Variants in PLCZ1 observed in about 807,000 individuals in gnomAD.
PLCZ1 encodes the protein 1-phosphatidylinositol 4,5-bisphosphate phosphodiesterase zeta-1.
A neutral mutation model predicts 76.8 loss-of-function variants in PLCZ1; 64 were observed. That is an observed-to-expected ratio of 0.83 (90% CI 0.68 to 1.03). The LOEUF (loss-of-function observed/expected upper bound fraction) is 1.03, where lower values mean the gene tolerates loss of function less well. PLCZ1 is among the 50% of genes least tolerant of loss of function. PLCZ1 has a pLI of 0.00. For synonymous variants in PLCZ1, 248 were observed against 230.8 expected (o/e 1.07, Z -0.68); for missense variants, 751 against 713.7 (o/e 1.05, Z -0.60).
At chr12:18,727,824 T>C (rs1958839756) in intron 3 of PLCZ1, among the ~76,000 whole-genome samples, 1 of 152,188 alleles carries the variant, frequency 6.6e-6, no homozygotes, top group Non-Finnish European at 1.5e-5. Context: ...TTTTTCCAAC[T>C]TTGATATGCA....
At chr12:18,682,982 G>A (rs1591953862), downstream of PLCZ1, among the ~76,000 whole-genome samples, 1 of 152,006 alleles carries the variant, frequency 6.6e-6, no homozygotes, top group African/African-American at 2.4e-5. Flanking sequence ...ATACAAGCCA[G>A]TTGAAAACAA....
rs912432673 is a variant in PLCZ1 at position 18,701,833 on chromosome 12, A to T, written c.865-57T>A. 7.8e-6 allele frequency: 12 copies of T among 1,547,216 alleles called. No individual in the cohort carries two copies. The Admixed American group carries it at 1.8e-4, about 23-fold the overall frequency. Reference sequence around the variant, plus strand: ...CATTTACAAGTAAATTTGCATTGTAACAGTCACTGAAAAGTGTTTCACTAT... The same window carrying T: ...CATTTACAAGTAAATTTGCATTGTATCAGTCACTGAAAAGTGTTTCACTAT... On this transcript the variant is annotated intron_variant, in intron 7 of 14. Coordinates refer to ENST00000266505, the MANE Select transcript of PLCZ1 (RefSeq NM_033123.4).
intron 3 of PLCZ1, among the ~76,000 whole-genome samples, chr12:18,724,145 C>A (rs979615571): frequency 6.6e-6 from 1 of 151,954 alleles, no homozygotes; most frequent in Non-Finnish European, 1.5e-5. Context: ...AAAATCAATA[C>A]CAAAAATAGA....
At chr12:18,728,416 C>T (rs1368940220) in intron 3 of PLCZ1, among the ~76,000 whole-genome samples, 2 of 152,078 alleles carry the variant, frequency 1.3e-5, no homozygotes, top group Non-Finnish European at 2.9e-5. Context: ...ATGTCTTCAA[C>T]GTTCAGGATA....
rs565788880 is a variant in PLCZ1 at position 18,731,620 on chromosome 12, G to C, written c.135+4601C>G. Among the ~76,000 whole-genome samples the C allele has an allele frequency of 2.7e-5, 4 of 147,054 alleles. No homozygotes were observed. In the South Asian group the frequency reaches 6.5e-4, roughly 24 times the overall value. ...ACATCAGGCCAATTGGTAGCTTGCA[G>C]GGAGGGTAAAATATCAGACCTTTCC... On this transcript the variant is annotated intron_variant, in intron 3 of 14. Coordinates refer to ENST00000266505, the MANE Select transcript of PLCZ1 (RefSeq NM_033123.4).
intron 4 of PLCZ1, among the ~76,000 whole-genome samples, chr12:18,720,521 A>T (rs901732498): frequency 4.0e-5 from 6 of 151,438 alleles, no homozygotes; most frequent in African/African-American, 1.5e-4. Flanking sequence ...TATCCATTTA[A>T]CTTGTTATAT....
At chr12:18,727,709 A>C (rs1011353350) in intron 3 of PLCZ1, among the ~76,000 whole-genome samples, 1 of 152,160 alleles carries the variant, frequency 6.6e-6, no homozygotes, top group Admixed American at 6.5e-5. Context: ...AGAGTTATTG[A>C]TCAGTTTTAA....
Position 18,695,051 on chromosome 12 carries a change from C to T in PLCZ1, c.1320G>A (p.Leu440=). The part of the protein sequence containing the change: ...MVALNFQTPG[L]PMDLQNGKFL... Reference sequence around the variant, plus strand: ...ATTTCCCATTTTGCAGATCCATGGGCAGACCAGGGGTCTGGAAATTTAAAG... The same window carrying T: ...ATTTCCCATTTTGCAGATCCATGGGTAGACCAGGGGTCTGGAAATTTAAAG... Residue 440 remains leucine (L), a synonymous_variant, in exon 12 of 15, where the codon CTG becomes CTA. Transcript: ENST00000266505. 6.2e-7 allele frequency: 1 copy of T among 1,613,050 alleles called. No homozygotes were observed. Among genetic ancestry groups the T allele is most frequent in the Admixed American group, 1.7e-5 (1 of 59,958 alleles).
rs1952637621 is a variant in PLCZ1 at position 18,683,533 on chromosome 12, A to G, written c.1742-209T>C. On this transcript the variant is annotated intron_variant, in intron 14 of 14. Coordinates refer to ENST00000266505, the MANE Select transcript of PLCZ1 (RefSeq NM_033123.4). ...TTCCTAACTGCCCAAAACTGAATAC[A>G]CAGCTCATACTTCTCCTTCCGCAAA... 6 of 1,510,782 alleles carry G rather than the reference A, an allele frequency of 4.0e-6. No homozygotes were observed. The Admixed American group carries it at 1.2e-4, about 30-fold the overall frequency. The allele number at this position is 1,510,782 out of a possible 1,614,324, so 93.6% of individuals were successfully genotyped here. A position where few individuals can be genotyped will look rare whatever the true frequency, so the allele number is the denominator to read the frequency against.
intron 3 of PLCZ1, among the ~76,000 whole-genome samples, chr12:18,724,522 A>C (rs1210080630): frequency 6.6e-6 from 1 of 152,154 alleles, no homozygotes; most frequent in Non-Finnish European, 1.5e-5. Context: ...TGCAAGAAGC[A>C]TGTGTTGAAG....
chr12:18,647,633 T>C, the PLCZ1 span, among the ~76,000 whole-genome samples: 2 of 151,814 alleles, frequency 1.3e-5, no homozygotes. Flanking sequence ...GAGTGGGTAA[T>C]TCTTAGTGGA....
chr12:18,654,932 T>A, the PLCZ1 span, among the ~76,000 whole-genome samples: 3 of 151,918 alleles, frequency 2.0e-5, no homozygotes, highest in Non-Finnish European at 4.4e-5. Context: ...AAAAAGACAC[T>A]TAGTTCTGGG....
chr12:18,698,037 G>A (rs1188535855), intron 10 of PLCZ1, among the ~76,000 whole-genome samples: 1 of 151,266 alleles, frequency 6.6e-6, no homozygotes, highest in African/African-American at 2.5e-5. Context: ...AATTTATGCT[G>A]TGCCTACAGG....
intron 2 of PLCZ1, among the ~76,000 whole-genome samples, chr12:18,737,160 C>T (rs1959437467): frequency 1.3e-5 from 2 of 152,044 alleles, no homozygotes; most frequent in South Asian, 4.1e-4. Context: ...TGACTTAATC[C>T]AGCAAAGCTC....
intron 13 of PLCZ1, 120 bp from the exon 14 acceptor site, chr12:18,684,399 G>T: frequency 1.1e-6 from 1 of 901,720 alleles, no homozygotes; most frequent in Non-Finnish European, 1.7e-6. Flanking sequence ...CTTGTGTTTA[G>T]AGCACATAGG....
At chr12:18,733,537 T>A (rs902533631) in intron 3 of PLCZ1, among the ~76,000 whole-genome samples, 2 of 152,218 alleles carry the variant, frequency 1.3e-5, no homozygotes, top group Middle Eastern at 3.2e-3. Flanking sequence ...TAAGAAATTC[T>A]TGCCAAGCCC....
At chr12:18,737,548 C>G in intron 1 of PLCZ1, 39 bp from the exon 2 acceptor site, 1 of 820,186 alleles carries the variant, frequency 1.2e-6, no homozygotes, top group Non-Finnish European at 2.0e-6. Flanking sequence ...GTTTTTTTTG[C>G]CTTCGTTCTT....
chr12:18,701,560 G>C lies in PLCZ1; in HGVS notation c.958C>G (p.Gln320Glu). 6.2e-7 allele frequency: 1 copy of C among 1,613,424 alleles called. No individual in the cohort carries two copies. The highest frequency in any genetic ancestry group is 1.3e-5 in the African/African-American group (1 of 74,820). ...TTTTTTACCCCTGTTTCCTTGTCTTGATTGTCTCCTAAAACAGATTCCAAT... is the reference window on the plus strand; with the variant it reads ...TTTTTTACCCCTGTTTCCTTGTCTTCATTGTCTCCTAAAACAGATTCCAAT... ...RKGSDKRGDN[Q>E]DKETGVKKLP... The change falls in exon 9 of 15, where the codon CAA (glutamine) becomes GAA (glutamate). Residue 320 changes from glutamine to glutamate, a missense_variant. By Grantham distance (29) the Gln-to-Glu change is conservative (BLOSUM62 2). Transcript: ENST00000266505.
intron 10 of PLCZ1, 91 bp downstream of exon 10, chr12:18,699,703 C>T (rs1955628963): frequency 7.6e-7 from 1 of 1,312,172 alleles, no homozygotes; most frequent in South Asian, 1.2e-5. Context: ...TGAGAATATA[C>T]ATTTTATAAA....
Sources: gnomAD v4.1 joint callset for allele counts (sites outside exome capture counted in the v4.1 genomes callset) on GRCh38, gnomAD v4.1.1 for gene constraint, MANE v1.5 for transcripts, NCBI Gene and HGNC (gene_info 2026-07-23, HGNC 2026-07-21) for gene names.